The following GLRB variants were observed in gnomAD, a reference collection of about 807,000 sequenced individuals.
GLRB encodes the protein glycine receptor subunit beta.
A neutral mutation model predicts 54.2 loss-of-function variants in GLRB; 33 were observed. That is an observed-to-expected ratio of 0.61 (90% CI 0.46 to 0.81). The LOEUF (loss-of-function observed/expected upper bound fraction) is 0.81. Ranked by LOEUF, GLRB falls within the 40% of genes least tolerant of loss-of-function variation. The probability of loss-of-function intolerance (pLI) is 0.00; values close to 1 mark genes in which losing one functional copy is unlikely to be tolerated. For missense variants in GLRB, 572 were observed against 584.6 expected, an observed-to-expected ratio of 0.98 and a Z score of 0.22; for synonymous variants, 209 against 208.2, an observed-to-expected ratio of 1.00 and a Z score of -0.03.
chr4:157,108,229 C>T (rs187666235), intron 2 of GLRB, among the ~76,000 whole-genome samples: 2 of 152,168 alleles, frequency 1.3e-5, no homozygotes, highest in East Asian at 3.9e-4. Context: ...AATCAAGGAG[C>T]CATTTTGACA....
chr4:157,163,732 G>A (rs1198042284), intron 9 of GLRB, among the ~76,000 whole-genome samples: 1 of 151,998 alleles, frequency 6.6e-6, no homozygotes. Context: ...GAGACAAAAG[G>A]GGGAATGCAG....
intron 9 of GLRB, among the ~76,000 whole-genome samples, chr4:157,156,275 T>A (rs1287580683): frequency 1.3e-5 from 2 of 152,216 alleles, no homozygotes; most frequent in African/African-American, 2.4e-5. Flanking sequence ...TATTCTAATT[T>A]TTTTGCTGCT....
chr4:157,124,691 A>T (rs1290865951), intron 4 of GLRB, among the ~76,000 whole-genome samples: 2 of 151,812 alleles, frequency 1.3e-5, no homozygotes, highest in African/African-American at 4.8e-5. Flanking sequence ...ACAGAGTGTA[A>T]TTTTGAAAAC....
intron 8 of GLRB, among the ~76,000 whole-genome samples, chr4:157,147,727 T>C (rs544853246): frequency 9.2e-5 from 14 of 152,210 alleles, no homozygotes; most frequent in Non-Finnish European, 1.6e-4. Context: ...GAAATGGAGA[T>C]ATTGCCCTTT....
rs1174629972 is a variant in GLRB at position 157,120,633 on chromosome 4, A to T, written c.200A>T (p.Tyr67Phe). ...ATCTTGAACAGGTTATTGGTCAGTT[A>T]TGATCCCAGGATAAGACCAAACTTC... ...SNILNRLLVSYDPRIRPNFKG... is the reference protein window; with the variant it reads ...SNILNRLLVSFDPRIRPNFKG... Residue 67 changes from tyrosine to phenylalanine, a missense_variant, in exon 3 of 10, where the codon TAT becomes TTT. Coordinates refer to ENST00000264428, the MANE Select transcript of GLRB (RefSeq NM_000824.5). 1 of 1,591,716 alleles carries T rather than the reference A, an allele frequency of 6.3e-7. No homozygotes were observed.
chr4:157,110,103 C>T (rs1735363827), intron 2 of GLRB, among the ~76,000 whole-genome samples: 2 of 151,858 alleles, frequency 1.3e-5, no homozygotes, highest in Non-Finnish European at 2.9e-5. Flanking sequence ...GCTGAAAGTC[C>T]CAACTCTTTA....
chr4:157,156,733 A>G (rs958993047), intron 9 of GLRB, among the ~76,000 whole-genome samples: 5 of 152,068 alleles, frequency 3.3e-5, no homozygotes, highest in Admixed American at 6.5e-5. Flanking sequence ...AATTTTTATC[A>G]TGAATGTTGT....
chr4:157,103,554 G>A (rs1297821773), intron 2 of GLRB, among the ~76,000 whole-genome samples: 9 of 152,150 alleles, frequency 5.9e-5, no homozygotes, highest in Admixed American at 3.9e-4. Context: ...ATTAATTCTA[G>A]AATTGTTTTG....
At chr4:157,101,636 A>G (rs1177299829) in intron 2 of GLRB, among the ~76,000 whole-genome samples, 1 of 151,992 alleles carries the variant, frequency 6.6e-6, no homozygotes, top group African/African-American at 2.4e-5. Context: ...ATTGGGGTTA[A>G]CTTTTTCGAG....
rs1737179582 is a variant in GLRB at position 157,155,164 on chromosome 4, C to G, written c.1197+2154C>G. Among the ~76,000 whole-genome samples, 3 of 152,266 alleles carry G rather than the reference C, an allele frequency of 2.0e-5. No homozygotes were observed. In the South Asian group the frequency reaches 6.2e-4, roughly 32 times the overall value. ...TTTGTTTTTGAGGCAGAGTCTCACT[C>G]TGTCACCCAGGCTGGGGTGCAGTGG... On this transcript the variant is annotated intron_variant, in intron 9 of 9. Transcript: ENST00000264428.
intron 2 of GLRB, among the ~76,000 whole-genome samples, chr4:157,106,074 T>C (rs1487406785): frequency 6.6e-6 from 1 of 152,146 alleles, no homozygotes. Flanking sequence ...TTATAAGGCA[T>C]GTCTAGTGGT....
chr4:157,083,759 T>C (rs1579181451), intron 2 of GLRB, among the ~76,000 whole-genome samples: 1 of 152,196 alleles, frequency 6.6e-6, no homozygotes, highest in East Asian at 1.9e-4. Flanking sequence ...TGTATGTTGG[T>C]GGTGTGTTAA....
chr4:157,169,586 CTG>C (rs1421409041), intron 9 of GLRB, among the ~76,000 whole-genome samples: 2 of 151,948 alleles, frequency 1.3e-5, no homozygotes, highest in Non-Finnish European at 2.9e-5. Flanking sequence ...TTTGTGAACA[CTG>C]TATTTTTGAT....
intron 2 of GLRB, among the ~76,000 whole-genome samples, chr4:157,102,243 T>C (rs1251678801): frequency 6.6e-6 from 1 of 152,190 alleles, no homozygotes; most frequent in Middle Eastern, 3.2e-3. Flanking sequence ...AACAGATTTT[T>C]AAATTGTACA....
At position 157,120,800 on chromosome 4, in the gene GLRB, T is replaced by C. The variant is rs3775723; in HGVS notation, c.229+138T>C. 75,019 of 509,396 alleles carry C rather than the reference T, an allele frequency of 0.15. 6,428 individuals are homozygous for C. The highest frequency in any genetic ancestry group is 0.24 in the South Asian group (10,088 of 41,318). The allele number at this position is 509,396 out of a possible 1,614,324, so 31.6% of individuals were successfully genotyped here. A position where few individuals can be genotyped will look rare whatever the true frequency, so the allele number is the denominator to read the frequency against. On this transcript the variant is annotated intron_variant, in intron 3 of 9. Transcript: ENST00000264428. ...ATTTCAAAGTGATATATAACAAAAATGTCCTTAAGTTCAGAACAATTCAAT... is the reference window on the plus strand; with the variant it reads ...ATTTCAAAGTGATATATAACAAAAACGTCCTTAAGTTCAGAACAATTCAAT...
chr4:157,093,460 G>A (rs115648859), intron 2 of GLRB, among the ~76,000 whole-genome samples: 1,707 of 152,156 alleles, frequency 0.011, 32 homozygotes, highest in African/African-American at 0.038. Context: ...TATAGTTCTG[G>A]CCAGGCGCAG....
At chr4:157,087,789 T>A (rs994521998) in intron 2 of GLRB, among the ~76,000 whole-genome samples, 1 of 150,914 alleles carries the variant, frequency 6.6e-6, no homozygotes, top group African/African-American at 2.4e-5. Context: ...AATGTATCCT[T>A]TTTTTTTTCT....
intron 9 of GLRB, among the ~76,000 whole-genome samples, chr4:157,168,405 T>G (rs1295617561): frequency 6.6e-6 from 1 of 152,202 alleles, no homozygotes; most frequent in African/African-American, 2.4e-5. Context: ...TATGAATATG[T>G]GTCTCATTTA....
intron 2 of GLRB, among the ~76,000 whole-genome samples, chr4:157,086,587 G>T (rs917565217): frequency 1.3e-5 from 2 of 152,154 alleles, no homozygotes; most frequent in Non-Finnish European, 2.9e-5. Context: ...TTTCTCTGAA[G>T]AATAGAAATT....
Sources: gnomAD v4.1 joint callset for allele counts (sites outside exome capture counted in the v4.1 genomes callset) on GRCh38, gnomAD v4.1.1 for gene constraint, MANE v1.5 for transcripts, NCBI Gene and HGNC (gene_info 2026-07-23, HGNC 2026-07-21) for gene names.